The following ASTN2 variants were observed in gnomAD, a reference collection of about 807,000 sequenced individuals.
ASTN2 encodes astrotactin 2.
In ASTN2, 54 loss-of-function variants were observed where a neutral mutation model predicts 139.8. The ratio of observed to expected loss-of-function variants is 0.39; its 90% CI spans 0.31 to 0.48. The LOEUF (loss-of-function observed/expected upper bound fraction) is 0.48, where lower values mean the gene tolerates loss of function less well. Among genes scored for constraint, ASTN2 ranks in the 20% least tolerant of loss-of-function variants. The probability of loss-of-function intolerance (pLI) is 0.95; values close to 1 mark genes in which losing one functional copy is unlikely to be tolerated. For missense variants in ASTN2, 1,565 were observed against 1,725.1 expected, an observed-to-expected ratio of 0.91 and a Z score of 1.64; for synonymous variants, 756 against 719.5, an observed-to-expected ratio of 1.05 and a Z score of -0.81.
At chr9:117,119,569 C>T (rs1829488513) in intron 4 of ASTN2, among the ~76,000 whole-genome samples, 1 of 152,178 alleles carries the variant, frequency 6.6e-6, no homozygotes, top group African/African-American at 2.4e-5. Context: ...CTTACAAGTG[C>T]TAGAAAGAAC....
intron 10 of ASTN2, among the ~76,000 whole-genome samples, chr9:116,909,903 G>A (rs1023249744): frequency 2.6e-5 from 4 of 152,180 alleles, no homozygotes; most frequent in Non-Finnish European, 4.4e-5. Context: ...GAACATCAAC[G>A]ACGAGATTTT....
At chr9:117,029,482 C>G (rs778176685) in intron 6 of ASTN2, among the ~76,000 whole-genome samples, 2 of 152,000 alleles carry the variant, frequency 1.3e-5, no homozygotes, top group African/African-American at 4.8e-5. Context: ...TACTTGTGTG[C>G]CCATCGGTGT....
At chr9:117,126,844 C>G (rs751098548) in intron 4 of ASTN2, among the ~76,000 whole-genome samples, 2 of 152,208 alleles carry the variant, frequency 1.3e-5, no homozygotes, top group Non-Finnish European at 2.9e-5. Context: ...CCTCATATGT[C>G]TAGATTTCCA....
chr9:117,034,123 G>C (rs1428314098), intron 6 of ASTN2, among the ~76,000 whole-genome samples: 1 of 152,118 alleles, frequency 6.6e-6, no homozygotes, highest in Admixed American at 6.6e-5. Context: ...ACTGTTACCT[G>C]CCTACACTGG....
chr9:116,632,308 G>T (rs766992358), intron 17 of ASTN2, among the ~76,000 whole-genome samples: 39 of 140,230 alleles, frequency 2.8e-4, no homozygotes, highest in Non-Finnish European at 5.4e-4. Flanking sequence ...CCCAAAATAT[G>T]TACAACTATT....
chr9:117,108,658 T>C (rs1446093936), intron 4 of ASTN2, among the ~76,000 whole-genome samples: 1 of 152,252 alleles, frequency 6.6e-6, no homozygotes, highest in East Asian at 1.9e-4. Flanking sequence ...AGGGAAAACC[T>C]AGCATGGAAT....
intron 19 of ASTN2, among the ~76,000 whole-genome samples, chr9:116,513,203 C>T (rs961303177): frequency 3.3e-5 from 5 of 152,136 alleles, no homozygotes; most frequent in Non-Finnish European, 7.3e-5. Context: ...CTGGTGGTGA[C>T]AAAATCTCTC....
At chr9:116,910,655 C>A (rs1355263099) in intron 10 of ASTN2, among the ~76,000 whole-genome samples, 1 of 151,900 alleles carries the variant, frequency 6.6e-6, no homozygotes, top group Admixed American at 6.6e-5. Flanking sequence ...GGACTGGACT[C>A]AAACAGACAC....
chr9:116,858,252 T>C (rs1274913862), intron 11 of ASTN2, among the ~76,000 whole-genome samples: 1 of 151,728 alleles, frequency 6.6e-6, no homozygotes, highest in African/African-American at 2.4e-5. Context: ...AGCTACTGAG[T>C]TTTGGGGTAG....
chr9:116,456,926 G>A (rs192851442), intron 20 of ASTN2, among the ~76,000 whole-genome samples: 3 of 152,054 alleles, frequency 2.0e-5, no homozygotes, highest in African/African-American at 4.8e-5. Context: ...AAAACTGGAG[G>A]AATCACATTA....
chr9:117,025,972 T>G (rs1929005), intron 6 of ASTN2, among the ~76,000 whole-genome samples: 3 of 151,706 alleles, frequency 2.0e-5, no homozygotes, highest in Non-Finnish European at 4.4e-5. Flanking sequence ...ACTGTGTTGG[T>G]CAGGCTGGTC....
At chr9:116,857,016 ATTTTTC>A (rs1242029288) in intron 11 of ASTN2, among the ~76,000 whole-genome samples, 10 of 151,950 alleles carry the variant, frequency 6.6e-5, no homozygotes, top group Non-Finnish European at 1.5e-4. Flanking sequence ...CTTTCCCATT[ATTTTTC>A]TCCACATATC....
chr9:117,192,414 GA>G (rs1422658774), intron 3 of ASTN2, among the ~76,000 whole-genome samples: 1 of 145,730 alleles, frequency 6.9e-6, no homozygotes, highest in African/African-American at 2.6e-5. Flanking sequence ...ACTCAATTCT[GA>G]ATACTTTCCA....
chr9:116,864,905 T>A (rs535434531), intron 10 of ASTN2, among the ~76,000 whole-genome samples: 154 of 152,284 alleles, frequency 1.0e-3, no homozygotes, highest in Non-Finnish European at 1.8e-3. Flanking sequence ...TCAGTGAACT[T>A]GGTAAATCCC....
At chr9:116,496,412 T>G (rs1391041799) in intron 19 of ASTN2, among the ~76,000 whole-genome samples, 2 of 151,894 alleles carry the variant, frequency 1.3e-5, no homozygotes, top group Non-Finnish European at 1.5e-5. Context: ...GTGCAGAAGG[T>G]TTATTTGGGA....
At chr9:116,429,835 T>C (rs1485786374) in intron 22 of ASTN2, among the ~76,000 whole-genome samples, 1 of 152,204 alleles carries the variant, frequency 6.6e-6, no homozygotes, top group African/African-American at 2.4e-5. Flanking sequence ...ATATAAAAGA[T>C]GGACACCAGT....
chr9:116,876,759 CTTAA>C (rs1233027588), intron 10 of ASTN2, among the ~76,000 whole-genome samples: 1 of 152,096 alleles, frequency 6.6e-6, no homozygotes, highest in African/African-American at 2.4e-5. Context: ...TAAAATATTT[CTTAA>C]TTAAGGTATG....
intron 20 of ASTN2, among the ~76,000 whole-genome samples, chr9:116,483,634 A>G (rs1266883857): frequency 6.6e-6 from 1 of 152,230 alleles, no homozygotes; most frequent in African/African-American, 2.4e-5. Context: ...GAAAATACTT[A>G]CACAGAGAGG....
chr9:116,977,891 A>G (rs1836396396), intron 7 of ASTN2, among the ~76,000 whole-genome samples: 1 of 151,334 alleles, frequency 6.6e-6, no homozygotes, highest in South Asian at 2.1e-4. Flanking sequence ...TAATTTTTGT[A>G]TTTTTGATAG....
Sources: gnomAD v4.1 joint callset for allele counts (sites outside exome capture counted in the v4.1 genomes callset) on GRCh38, gnomAD v4.1.1 for gene constraint, MANE v1.5 for transcripts, NCBI Gene and HGNC (gene_info 2026-07-23, HGNC 2026-07-21) for gene names.